The following RGS7BP variants were observed in gnomAD, a reference collection of about 807,000 sequenced individuals.
RGS7BP encodes the protein regulator of G protein signaling 7 binding protein, also known as regulator of G protein signaling 7-binding protein.
Under a neutral mutation model 31.3 loss-of-function variants are expected in RGS7BP, and 9 were observed. That is an observed-to-expected ratio of 0.29 (90% CI 0.17 to 0.50). RGS7BP has a LOEUF of 0.50. Among genes scored for constraint, RGS7BP ranks in the 20% least tolerant of loss-of-function variants. The pLI, the probability that RGS7BP is intolerant of heterozygous loss-of-function variation, is 0.98. For synonymous variants in RGS7BP, 115 were observed against 120.1 expected (o/e 0.96, Z 0.28); for missense variants, 274 against 322.0 (o/e 0.85, Z 1.14).
rs527556046 is a variant in RGS7BP, at chr5:64,540,145, T to C, written c.332+32268T>C. Among the ~76,000 whole-genome samples, 19 of 152,308 alleles carry C rather than the reference T, an allele frequency of 1.2e-4. No individual in the cohort carries two copies. The South Asian group carries it at 3.3e-3, about 27-fold the overall frequency. ...TTTCTGTAGTTGATTTTTAAATTCC[T>C]TTATAGTTAAATAATATGCATTTTT... On this transcript the variant is annotated intron_variant, in intron 2 of 5. Coordinates refer to ENST00000334025, the MANE Select transcript of RGS7BP (RefSeq NM_001029875.3).
At chr5:64,518,680 A>C (rs536300294) in intron 2 of RGS7BP, among the ~76,000 whole-genome samples, 2 of 152,262 alleles carry the variant, frequency 1.3e-5, no homozygotes, top group African/African-American at 2.4e-5. Flanking sequence ...GCAGTAACAT[A>C]AGCCAGACAT....
At chr5:64,607,876 T>G (rs1743404722) in intron 5 of RGS7BP, among the ~76,000 whole-genome samples, 1 of 150,228 alleles carries the variant, frequency 6.7e-6, no homozygotes, top group Admixed American at 6.6e-5. Context: ...GGTTGGGGGG[T>G]TTACAATTTT....
Position 64,559,350 on chromosome 5 carries a change from G to A in RGS7BP, c.333-16424G>A, listed in dbSNP as rs565829166. 2.3e-3 allele frequency among the ~76,000 whole-genome samples: 348 copies of A among 152,274 alleles called. 1 individual carries two copies. Among genetic ancestry groups the A allele is most frequent in the Non-Finnish European group, 3.5e-3 (239 of 68,014 alleles). Reference sequence around the variant, plus strand: ...CTGGTTCCCCCGATAGTGGTTGGATGTTTACTGACACTACTCTTTTGGTTT... The same window carrying A: ...CTGGTTCCCCCGATAGTGGTTGGATATTTACTGACACTACTCTTTTGGTTT... On this transcript the variant is annotated intron_variant, in intron 2 of 5. Transcript: ENST00000334025.
intron 3 of RGS7BP, among the ~76,000 whole-genome samples, chr5:64,588,813 T>TA (rs201540183): frequency 0.03 from 4,631 of 151,940 alleles, 237 homozygotes; most frequent in African/African-American, 0.1. Context: ...GGAGAGTACT[T>TA]AAAAAAATGT....
At chr5:64,531,172 A>T (rs1293400611) in intron 2 of RGS7BP, among the ~76,000 whole-genome samples, 1 of 152,218 alleles carries the variant, frequency 6.6e-6, no homozygotes, top group South Asian at 2.1e-4. Context: ...AATACCATCA[A>T]TAATGGGGAG....
chr5:64,552,053 GA>G (rs1342206550), intron 2 of RGS7BP, among the ~76,000 whole-genome samples: 1 of 151,844 alleles, frequency 6.6e-6, no homozygotes, highest in African/African-American at 2.4e-5. Flanking sequence ...CAAAATTTTT[GA>G]AAAAATAAGG....
chr5:64,530,391 A>G (rs1216699024), intron 2 of RGS7BP, among the ~76,000 whole-genome samples: 1 of 152,268 alleles, frequency 6.6e-6, no homozygotes, highest in East Asian at 1.9e-4. Context: ...TGACAAAAAT[A>G]GCTTCAAGAT....
intron 2 of RGS7BP, among the ~76,000 whole-genome samples, chr5:64,522,096 A>G (rs1749120941): frequency 6.6e-6 from 1 of 152,212 alleles, no homozygotes; most frequent in African/African-American, 2.4e-5. Flanking sequence ...ACTACAACAG[A>G]TTCTCTATCC....
chr5:64,516,270 T>C (rs1435272779), intron 2 of RGS7BP, among the ~76,000 whole-genome samples: 4 of 152,196 alleles, frequency 2.6e-5, no homozygotes, highest in Non-Finnish European at 4.4e-5. Flanking sequence ...AAAGCCCTCG[T>C]ATTCTTCAGT....
chr5:64,506,809 C>CTTT lies in RGS7BP; in HGVS notation c.165+33_165+35dup, dbSNP rs36025131. 814 of 1,324,874 alleles carry CTTT rather than the reference C, an allele frequency of 6.1e-4. No individual in the cohort carries two copies. Among genetic ancestry groups the CTTT allele is most frequent in the Middle Eastern group, 1.4e-3 (5 of 3,678 alleles). The allele number at this position is 1,324,874 out of a possible 1,614,324, so 82.1% of individuals were successfully genotyped here. ...AAGATGGTGGGTGAAAACTGCGCCT[C>CTTT]TTTTTTTTTTTTTTTAATTGAGAGG... On this transcript the variant is annotated intron_variant, in intron 1 of 5. Transcript: ENST00000334025. The surrounding 1 kb of genome is among the most constrained non-coding windows in gnomAD (Gnocchi z 4.6).
chr5:64,595,342 A>G (rs1044709305), intron 4 of RGS7BP, among the ~76,000 whole-genome samples: 1 of 152,158 alleles, frequency 6.6e-6, no homozygotes, highest in Non-Finnish European at 1.5e-5. Flanking sequence ...GGGGCTGAGC[A>G]TTCTGTCCAG....
At chr5:64,531,371 G>A (rs1359775667) in intron 2 of RGS7BP, among the ~76,000 whole-genome samples, 1 of 152,016 alleles carries the variant, frequency 6.6e-6, no homozygotes, top group African/African-American at 2.4e-5. Flanking sequence ...AAAATCTGTG[G>A]TAAATAACAG....
Position 64,610,011 on chromosome 5 carries a change from G to A in RGS7BP, c.*759G>A, listed in dbSNP as rs1414542971. 1.3e-5 allele frequency: 2 copies of A among 152,446 alleles called. No individual in the cohort carries two copies. Among genetic ancestry groups the A allele is most frequent in the Non-Finnish European group, 2.9e-5 (2 of 67,958 alleles). The allele number at this position is 152,446 out of a possible 1,614,324, so 9.4% of individuals were successfully genotyped here. A position where few individuals can be genotyped will look rare whatever the true frequency, so the allele number is the denominator to read the frequency against. ...TGAAGTAATCCAGTTAGGAAATGGT[G>A]TAGTAACATATACAATTGCCCTCAA... On this transcript the variant is annotated 3_prime_UTR_variant, in exon 6 of 6. Transcript: ENST00000334025.
At position 64,598,284 on chromosome 5, in the gene RGS7BP, G is replaced by C; in HGVS notation, c.612-81G>C. 5 of 805,216 alleles carry C rather than the reference G, an allele frequency of 6.2e-6. No individual in the cohort carries two copies. In the South Asian group the frequency reaches 7.2e-5, roughly 12 times the overall value. The allele number at this position is 805,216 out of a possible 1,614,324, so 49.9% of individuals were successfully genotyped here. The stretch of plus-strand genomic sequence containing the variant: ...ATTAGACACAGACCCTCATCTTTCA[G>C]TTGTCTCATATAACAGATTGTTTGA... On this transcript the variant is annotated intron_variant, in intron 4 of 5. Transcript: ENST00000334025.
chr5:64,539,865 G>T (rs1741482884), intron 2 of RGS7BP: 1 of 152,188 alleles, frequency 6.6e-6, no homozygotes, highest in Non-Finnish European at 1.5e-5. Context: ...GCTAATTTTT[G>T]AACTAAGTAT....
At chr5:64,592,914 A>G (rs2111953122) in intron 3 of RGS7BP, among the ~76,000 whole-genome samples, 1 of 152,312 alleles carries the variant, frequency 6.6e-6, no homozygotes, top group East Asian at 1.9e-4. Context: ...CCCTGCCTAG[A>G]GATACATGAC....
intron 2 of RGS7BP, among the ~76,000 whole-genome samples, chr5:64,555,154 A>G (rs1741890590): frequency 6.6e-6 from 1 of 152,150 alleles, no homozygotes; most frequent in African/African-American, 2.4e-5. Flanking sequence ...TAAAAGCAAC[A>G]GGAGAGAAAA....
At chr5:64,550,487 A>G (rs1010682147) in intron 2 of RGS7BP, among the ~76,000 whole-genome samples, 6 of 150,262 alleles carry the variant, frequency 4.0e-5, no homozygotes, top group African/African-American at 1.3e-4. Flanking sequence ...CCATCATCAC[A>G]TTGACAGTTA....
intron 2 of RGS7BP, among the ~76,000 whole-genome samples, chr5:64,523,524 G>A (rs1561321925): frequency 6.6e-6 from 1 of 152,144 alleles, no homozygotes; most frequent in Non-Finnish European, 1.5e-5. Context: ...TGTTGGATGT[G>A]AACAATTAAA....
Sources: allele counts gnomAD v4.1 joint callset (sites outside exome capture counted in the v4.1 genomes callset), GRCh38; gene constraint gnomAD v4.1.1; non-coding constraint Gnocchi (gnomAD v3.1); transcripts MANE v1.5; gene names NCBI Gene and HGNC (gene_info 2026-07-23, HGNC 2026-07-21).